The following VAMP2 variants were observed in gnomAD, a reference collection of about 807,000 sequenced individuals.
VAMP2 encodes vesicle-associated membrane protein 2.
For missense variants in VAMP2, 95 were observed against 151.3 expected, an observed-to-expected ratio of 0.63 and a Z score of 1.95; for synonymous variants, 67 against 57.3, an observed-to-expected ratio of 1.17 and a Z score of -0.76.
In VAMP2 at chr17:8,159,638, T is replaced by C. The variant is rs922371801; in HGVS notation, c.*1217A>G. Reference sequence around the variant, plus strand: ...CAGTGATGGGGCAACACCCCCCAAATTGGGGAGGAGGGTTTTCAGTCCAAC... The same window carrying C: ...CAGTGATGGGGCAACACCCCCCAAACTGGGGAGGAGGGTTTTCAGTCCAAC... On this transcript the variant is annotated 3_prime_UTR_variant, in exon 5 of 5. Transcript: ENST00000316509. The C allele has an allele frequency of 2.0e-5, 3 of 152,462 alleles. No individual in the cohort carries two copies. Among genetic ancestry groups the C allele is most frequent in the African/African-American group, 7.2e-5 (3 of 41,382 alleles). The allele number at this position is 152,462 out of a possible 1,614,324, so 9.4% of individuals were successfully genotyped here.
At chr17:8,160,999 T>C (rs371179867) in intron 4 of VAMP2, 128 bp from the exon 5 acceptor site, 1 of 757,072 alleles carries the variant, frequency 1.3e-6, no homozygotes. Context: ...ACACCCTCTC[T>C]TGGACTCAGT....
chr17:8,160,815 G>A lies in VAMP2; in HGVS notation c.*40C>T. Reference sequence around the variant, plus strand: ...GGTGGAGGAACGGCTGAGGGTTGGGGGAGAGGCCCTTCTCTAGGCAGGGCA... The same window carrying A: ...GGTGGAGGAACGGCTGAGGGTTGGGAGAGAGGCCCTTCTCTAGGCAGGGCA... On this transcript the variant is annotated 3_prime_UTR_variant, in exon 5 of 5. Transcript: ENST00000316509. 2 of 1,603,762 alleles carry A rather than the reference G, an allele frequency of 1.2e-6. No homozygotes were observed. The highest frequency in any genetic ancestry group is 1.7e-6 in the Non-Finnish European group (2 of 1,173,730).
chr17:8,162,017 A>G (rs1271248653), intron 2 of VAMP2, among the ~76,000 whole-genome samples: 1 of 152,158 alleles, frequency 6.6e-6, no homozygotes, highest in East Asian at 1.9e-4. Context: ...CGCTCTGTCC[A>G]TCACCAGAGC....
At chr17:8,161,875 T>C in intron 2 of VAMP2, 109 bp from the exon 3 acceptor site, 3 of 1,494,122 alleles carry the variant, frequency 2.0e-6, no homozygotes, top group Non-Finnish European at 2.7e-6. Context: ...ACCCTGATAC[T>C]GCCAGGTTAA....
chr17:8,162,185 C>A, intron 2 of VAMP2, 64 bp downstream of exon 2: 2 of 1,495,790 alleles, frequency 1.3e-6, no homozygotes, highest in Admixed American at 2.4e-5. Flanking sequence ...CCAACATGGG[C>A]CCCTACACCT....
In VAMP2 at chr17:8,159,189, G is replaced by A. The variant is rs1287274346; in HGVS notation, c.*1666C>T. On this transcript the variant is annotated 3_prime_UTR_variant, in exon 5 of 5. Coordinates refer to ENST00000316509, the MANE Select transcript of VAMP2 (RefSeq NM_014232.3). The stretch of plus-strand genomic sequence containing the variant: ...CATTTATTGTACATTTTCACAATCT[G>A]GATGCGCCACAGAATTGGGGGCATG... 6.6e-6 allele frequency: 1 copy of A among 151,276 alleles called. No homozygotes were observed. Among genetic ancestry groups the A allele is most frequent in the Non-Finnish European group, 1.5e-5 (1 of 67,814 alleles). 9.4% of individuals were successfully genotyped at this position (151,276 alleles called of 1,614,324 possible).
Position 8,159,827 on chromosome 17 carries a change from G to C in VAMP2, c.*1028C>G, listed in dbSNP as rs1179064794. Reference sequence around the variant, plus strand: ...ACCCCCAACTCTCCTGGTGGGAGGAGGAGGTGGATCAGGCAGATGGGAGGG... The same window carrying C: ...ACCCCCAACTCTCCTGGTGGGAGGACGAGGTGGATCAGGCAGATGGGAGGG... On this transcript the variant is annotated 3_prime_UTR_variant, in exon 5 of 5. Coordinates refer to ENST00000316509, the MANE Select transcript of VAMP2 (RefSeq NM_014232.3). The C allele has an allele frequency of 6.6e-6, 1 of 152,470 alleles. No individual in the cohort carries two copies. The highest frequency in any genetic ancestry group is 1.5e-5 in the Non-Finnish European group (1 of 68,124). The allele number at this position is 152,470 out of a possible 1,614,324, so 9.4% of individuals were successfully genotyped here.
At position 8,160,289 on chromosome 17, in the gene VAMP2, T is replaced by C. The variant is rs1983252629; in HGVS notation, c.*566A>G. The C allele has an allele frequency of 6.6e-6, 1 of 151,706 alleles. No individual in the cohort carries two copies. The highest frequency in any genetic ancestry group is 6.6e-5 in the Admixed American group (1 of 15,112). The allele number at this position is 151,706 out of a possible 1,614,324, so 9.4% of individuals were successfully genotyped here. A position where few individuals can be genotyped will look rare whatever the true frequency, so the allele number is the denominator to read the frequency against. ...AACATGCTGGACGCTCCCAAAGACC[T>C]TGGGATTCTTAGGACCAAGTGGGGC... On this transcript the variant is annotated 3_prime_UTR_variant, in exon 5 of 5. Coordinates refer to ENST00000316509, the MANE Select transcript of VAMP2 (RefSeq NM_014232.3).
chr17:8,162,310 G>A lies in VAMP2; in HGVS notation c.62C>T (p.Ala21Val), dbSNP rs1246190856. 5.6e-6 allele frequency: 9 copies of A among 1,601,106 alleles called. No individual in the cohort carries two copies. Among genetic ancestry groups the A allele is most frequent in the Non-Finnish European group, 6.8e-6 (8 of 1,175,584 alleles). ...GTTACTGGTGAGGTTTGGAGGGGGT[G>A]CAGGGGGACCACCCTCCCCAGCCGG... ...AAPAGEGGPPAPPPNLTSNRR... is the reference protein window; with the variant it reads ...AAPAGEGGPPVPPPNLTSNRR... Residue 21 changes from alanine to valine, a missense_variant, in exon 2 of 5, where the codon GCA (alanine) becomes GTA (valine). Transcript: ENST00000316509.
chr17:8,162,104 C>A, intron 2 of VAMP2, 145 bp downstream of exon 2: 3 of 1,346,570 alleles, frequency 2.2e-6, no homozygotes, highest in Non-Finnish European at 3.0e-6. Context: ...TGCGTGCTGA[C>A]AGGGAGACAG....
intron 1 of VAMP2, 132 bp downstream of exon 1, chr17:8,162,746 C>T: frequency 7.8e-7 from 1 of 1,276,216 alleles, no homozygotes; most frequent in African/African-American, 1.6e-5. Context: ...CGCCCGCGCG[C>T]AGTCACCGGC....
chr17:8,160,445 G>A lies in VAMP2; in HGVS notation c.*410C>T, dbSNP rs75314488. ...GGGAGCATGACGGGGAGAGTGAGGAGGAAAGAGGAAAGGAAGGCCAGGGTG... is the reference window on the plus strand; with the variant it reads ...GGGAGCATGACGGGGAGAGTGAGGAAGAAAGAGGAAAGGAAGGCCAGGGTG... On this transcript the variant is annotated 3_prime_UTR_variant, in exon 5 of 5. Transcript: ENST00000316509. 5.8e-3 allele frequency: 832 copies of A among 144,448 alleles called. 5 individuals carry two copies. The highest frequency in any genetic ancestry group is 9.7e-3 in the Non-Finnish European group (644 of 66,436). The allele number at this position is 144,448 out of a possible 1,614,324, so 8.9% of individuals were successfully genotyped here.
intron 1 of VAMP2, 110 bp from the exon 2 acceptor site, chr17:8,162,479 GAGGA>G: frequency 6.4e-7 from 1 of 1,551,122 alleles, no homozygotes; most frequent in Non-Finnish European, 8.7e-7. Context: ...TCCTTTTCGG[GAGGA>G]AGGCCACCCG....
chr17:8,160,997 T>G, intron 4 of VAMP2, 126 bp from the exon 5 acceptor site: 1 of 778,308 alleles, frequency 1.3e-6, no homozygotes, highest in Non-Finnish European at 2.1e-6. Context: ...TGACACCCTC[T>G]CTTGGACTCA....
At position 8,160,566 on chromosome 17, in the gene VAMP2, A is replaced by AGG; in HGVS notation, c.*288_*289insCC. On this transcript the variant is annotated 3_prime_UTR_variant, in exon 5 of 5. Transcript: ENST00000316509. ...TGAAGGGACTTGGGGCTAGTCAGGAAGAAAGGGAAAGGGAAGGAAGGCAAG... is the reference window on the plus strand; with the variant it reads ...TGAAGGGACTTGGGGCTAGTCAGGAAGGGAAAGGGAAAGGGAAGGAAGGCAAG... The AGG allele has an allele frequency of 4.9e-6, 1 of 203,828 alleles. No individual in the cohort carries two copies. The highest frequency in any genetic ancestry group is 9.7e-6 in the Non-Finnish European group (1 of 102,760). The allele number at this position is 203,828 out of a possible 1,614,324, so 12.6% of individuals were successfully genotyped here.
intron 4 of VAMP2, chr17:8,161,260 T>A (rs564484253): frequency 2.4e-5 from 17 of 711,254 alleles, no homozygotes; most frequent in African/African-American, 1.6e-4. Flanking sequence ...CCAGCTTTCC[T>A]ATTTCCAAAT....
At chr17:8,161,263 T>C in intron 4 of VAMP2, 1 of 722,854 alleles carries the variant, frequency 1.4e-6, no homozygotes, top group Middle Eastern at 4.0e-4. Flanking sequence ...GCTTTCCTAT[T>C]TCCAAATGTT....
intron 1 of VAMP2, 179 bp from the exon 2 acceptor site, chr17:8,162,548 G>A (rs920515471): frequency 3.4e-6 from 5 of 1,480,434 alleles, no homozygotes; most frequent in African/African-American, 1.4e-5. Flanking sequence ...GTGACCTTGA[G>A]CGAGGCCCCC....
At chr17:8,162,439 T>G (rs745955312) in intron 1 of VAMP2, 70 bp from the exon 2 acceptor site, 1 of 1,581,278 alleles carries the variant, frequency 6.3e-7, no homozygotes, top group Admixed American at 1.8e-5. Flanking sequence ...GCTCCGCCCA[T>G]CCACCTGTCC....
Sources: gnomAD v4.1 joint callset for allele counts (sites outside exome capture counted in the v4.1 genomes callset) on GRCh38, gnomAD v4.1.1 for gene constraint, MANE v1.5 for transcripts, NCBI Gene and HGNC (gene_info 2026-07-23, HGNC 2026-07-21) for gene names.